The following SLC9A8 variants were observed in gnomAD, a reference collection of about 807,000 sequenced individuals.
SLC9A8 encodes sodium/hydrogen exchanger 8.
A neutral mutation model predicts 66.6 loss-of-function variants in SLC9A8; 48 were observed. The ratio of observed to expected loss-of-function variants is 0.72; its 90% CI spans 0.57 to 0.92. SLC9A8 has a LOEUF of 0.92. Among genes scored for constraint, SLC9A8 ranks in the 40% least tolerant of loss-of-function variants. The pLI, the probability that SLC9A8 is intolerant of heterozygous loss-of-function variation, is 0.00. For synonymous variants in SLC9A8, 274 were observed against 282.6 expected (o/e 0.97, Z 0.31); for missense variants, 599 against 747.3 (o/e 0.80, Z 2.31).
At chr20:49,830,834 G>A in intron 3 of SLC9A8, 1 of 1,427,816 alleles carries the variant, frequency 7.0e-7, no homozygotes, top group Non-Finnish European at 9.9e-7. Flanking sequence ...AGACACTCTT[G>A]GACATCCTCA....
intron 2 of SLC9A8, among the ~76,000 whole-genome samples, chr20:49,820,238 C>G (rs748670738): frequency 6.6e-6 from 1 of 152,116 alleles, no homozygotes; most frequent in African/African-American, 2.4e-5. Flanking sequence ...CCTGCAATCT[C>G]AGCACTTTGG....
chr20:49,834,177 C>CTATATA (rs2087340001), intron 3 of SLC9A8, among the ~76,000 whole-genome samples: 3 of 56,972 alleles, frequency 5.3e-5, no homozygotes, highest in South Asian at 1.0e-3. Flanking sequence ...CTCTCTCTCT[C>CTATATA]TCTCTCTCTA....
intron 5 of SLC9A8, 82 bp from the exon 6 acceptor site, chr20:49,849,497 G>T: frequency 9.6e-7 from 1 of 1,046,088 alleles, no homozygotes; most frequent in East Asian, 2.5e-5. Context: ...AGTCTGCACG[G>T]AGGGCCAGGT....
Position 49,831,981 on chromosome 20 carries a change from G to A in SLC9A8, c.290-7560G>A, listed in dbSNP as rs118157718. Among the ~76,000 whole-genome samples the A allele has an allele frequency of 9.1e-3, 1,386 of 152,232 alleles. 10 individuals carry two copies. The highest frequency in any genetic ancestry group is 0.014 in the Non-Finnish European group (960 of 68,000). On this transcript the variant is annotated intron_variant, in intron 3 of 15. Coordinates refer to ENST00000361573, the MANE Select transcript of SLC9A8 (RefSeq NM_015266.3). Reference sequence around the variant, plus strand: ...AGGGGGTCCTCAGGGTCATTAGTGAGGAGCCAAGAGGAGTGGGGTTGGGGG... The same window carrying A: ...AGGGGGTCCTCAGGGTCATTAGTGAAGAGCCAAGAGGAGTGGGGTTGGGGG...
chr20:49,816,571 G>C (rs563683612), intron 2 of SLC9A8, among the ~76,000 whole-genome samples: 2 of 152,052 alleles, frequency 1.3e-5, no homozygotes, highest in Non-Finnish European at 1.5e-5. Flanking sequence ...GATACCAGTC[G>C]AGAGGTTTAG....
At chr20:49,841,240 G>A (rs936745344) in intron 4 of SLC9A8, among the ~76,000 whole-genome samples, 6 of 151,414 alleles carry the variant, frequency 4.0e-5, no homozygotes, top group African/African-American at 1.2e-4. Context: ...CAGGAGGATC[G>A]CTTGAGGCTG....
At chr20:49,822,001 G>A (rs2086755754) in intron 2 of SLC9A8, among the ~76,000 whole-genome samples, 5 of 152,146 alleles carry the variant, frequency 3.3e-5, no homozygotes, top group Admixed American at 3.3e-4. Context: ...GGTGTGACAG[G>A]GGCTGTGATG....
At chr20:49,839,465 G>A (rs1036851381) in intron 3 of SLC9A8, 76 bp from the exon 4 acceptor site, 4 of 1,004,602 alleles carry the variant, frequency 4.0e-6, no homozygotes, top group East Asian at 2.5e-5. Flanking sequence ...ACCTCCTGAG[G>A]CTGTGTCATG....
intron 2 of SLC9A8, among the ~76,000 whole-genome samples, chr20:49,817,663 T>C (rs371499024): frequency 2.0e-5 from 3 of 152,144 alleles, no homozygotes; most frequent in Non-Finnish European, 4.4e-5. Flanking sequence ...ACGGTCTTTT[T>C]ATTTGAAATC....
intron 3 of SLC9A8, chr20:49,830,332 G>C (rs550376513): frequency 9.9e-7 from 1 of 1,006,090 alleles, no homozygotes; most frequent in African/African-American, 1.6e-5. Flanking sequence ...GCCAAGAAAC[G>C]TGATTTGTTC....
chr20:49,884,305 C>CACACACACACACAT, intron 14 of SLC9A8, among the ~76,000 whole-genome samples: 2 of 138,858 alleles, frequency 1.4e-5, no homozygotes, highest in African/African-American at 5.5e-5. Flanking sequence ...CACACACACA[C>CACACACACACACAT]ACACACACAC....
intron 10 of SLC9A8, among the ~76,000 whole-genome samples, chr20:49,867,414 T>C (rs1217905048): frequency 3.3e-5 from 5 of 152,194 alleles, no homozygotes; most frequent in Non-Finnish European, 7.3e-5. Flanking sequence ...TACCGTGAGC[T>C]CACTCCACTC....
intron 4 of SLC9A8, among the ~76,000 whole-genome samples, chr20:49,844,399 T>C (rs58209337): frequency 0.011 from 1,627 of 152,234 alleles, 36 homozygotes; most frequent in African/African-American, 0.038. Context: ...AGAATTGAAA[T>C]TTTCTGTATT....
chr20:49,844,916 CATT>C, intron 4 of SLC9A8, 117 bp from the exon 5 acceptor site: 1 of 586,038 alleles, frequency 1.7e-6, no homozygotes, highest in Non-Finnish European at 3.1e-6. Flanking sequence ...GTTATTTAAA[CATT>C]ATATGTTTCC....
chr20:49,815,066 G>T lies in SLC9A8; in HGVS notation c.85G>T (p.Val29Phe). 1 of 1,609,232 alleles carries T rather than the reference G, an allele frequency of 6.2e-7. No homozygotes were observed. The highest frequency in any genetic ancestry group is 2.3e-5 in the East Asian group (1 of 44,434). ...TGTCACCCTCCACACCACCCTGGTT[G>T]TCACGACGAAACTGGTGCTCCCGAC... ...FNVTLHTTLVVTTKLVLPTPG... is the reference protein window; with the variant it reads ...FNVTLHTTLVFTTKLVLPTPG... Residue 29 changes from valine to phenylalanine, a missense_variant, in exon 2 of 16, where the codon GTC becomes TTC. By Grantham distance (50) the Val-to-Phe change is conservative (BLOSUM62 -1). Transcript: ENST00000361573.
chr20:49,877,052 G>A (rs2089451986), intron 11 of SLC9A8, among the ~76,000 whole-genome samples: 1 of 151,778 alleles, frequency 6.6e-6, no homozygotes, highest in South Asian at 2.1e-4. Context: ...CTTTGAGGGG[G>A]GCCAAGGTGT....
At position 49,887,815 on chromosome 20, in the gene SLC9A8, G is replaced by C; in HGVS notation, c.1639-14G>C. On this transcript the variant is annotated splice_polypyrimidine_tract_variant and intron_variant, in intron 15 of 15. Coordinates refer to ENST00000361573, the MANE Select transcript of SLC9A8 (RefSeq NM_015266.3). The stretch of plus-strand genomic sequence containing the variant: ...CCTGACGCCCTGACGGCTTGGTTGT[G>C]TCTCTCGACCCAGGACCTGCACCAC... 2.5e-6 allele frequency: 4 copies of C among 1,576,778 alleles called. No individual in the cohort carries two copies. The highest frequency in any genetic ancestry group is 1.2e-5 in the South Asian group (1 of 86,542).
At chr20:49,865,681 C>G (rs2088932632) in intron 10 of SLC9A8, among the ~76,000 whole-genome samples, 1 of 152,316 alleles carries the variant, frequency 6.6e-6, no homozygotes, top group Admixed American at 6.5e-5. Flanking sequence ...ACTCAGCAGC[C>G]CAATCAGGCT....
In SLC9A8 at chr20:49,889,845, T is replaced by C. The variant is rs530071971; in HGVS notation, c.*1909T>C. On this transcript the variant is annotated 3_prime_UTR_variant, in exon 16 of 16. Coordinates refer to ENST00000361573, the MANE Select transcript of SLC9A8 (RefSeq NM_015266.3). ...CTCCCCTGAAGTTTAGGGTCCCATC[T>C]CCCAGATGTAAGTTGTTTTGCAAAC... is the stretch of plus-strand genomic sequence containing the variant. The C allele has an allele frequency of 6.6e-6, 1 of 152,302 alleles. No homozygotes were observed. The highest frequency in any genetic ancestry group is 1.9e-4 in the East Asian group (1 of 5,186). 9.4% of individuals were successfully genotyped at this position (152,302 alleles called of 1,614,324 possible).
Sources: gnomAD v4.1 joint callset for allele counts (sites outside exome capture counted in the v4.1 genomes callset) on GRCh38, gnomAD v4.1.1 for gene constraint, MANE v1.5 for transcripts, NCBI Gene and HGNC (gene_info 2026-07-23, HGNC 2026-07-21) for gene names.